Variants in CEP95 observed in about 807,000 individuals in gnomAD.
CEP95 encodes centrosomal protein of 95 kDa.
A neutral mutation model predicts 111.2 loss-of-function variants in CEP95; 98 were observed. The ratio of observed to expected loss-of-function variants is 0.88; its 90% CI spans 0.75 to 1.04. CEP95 has a LOEUF of 1.04. CEP95 is among the 50% of genes least tolerant of loss of function. The pLI, the probability that CEP95 is intolerant of heterozygous loss-of-function variation, is 0.00. For missense variants in CEP95, 1,027 were observed against 977.2 expected, an observed-to-expected ratio of 1.05 and a Z score of -0.68; for synonymous variants, 323 against 327.1, an observed-to-expected ratio of 0.99 and a Z score of 0.14.
At chr17:64,531,041 A>G (rs1555680202) in intron 13 of CEP95, 23 bp downstream of exon 13, 2 of 1,340,844 alleles carry the variant, frequency 1.5e-6, no homozygotes, top group Non-Finnish European at 2.1e-6. Context: ...CTCCACTGTA[A>G]TAAATGCCAT....
At chr17:64,529,051 C>CCACAT (rs1304162553) in intron 11 of CEP95, among the ~76,000 whole-genome samples, 1 of 152,170 alleles carries the variant, frequency 6.6e-6, no homozygotes, top group Non-Finnish European at 1.5e-5. Flanking sequence ...AGGAGGCATT[C>CCACAT]CACATGTTGA....
In CEP95 at chr17:64,516,712, GTTCTGAACAGGTGA is replaced by G; in HGVS notation, c.368-10_371del. On this transcript the variant is annotated splice_acceptor_variant and splice_polypyrimidine_tract_variant and coding_sequence_variant and intron_variant, in exon 5 of 20. Transcript: ENST00000556440. LOFTEE classifies it high-confidence loss of function. Reference sequence around the variant, plus strand: ...GGGTTTTTTGGTATTGTTTTTATCTGTTCTGAACAGGTGAAACTGAACAGTATTTTAAAGAATCT... The same window carrying G: ...GGGTTTTTTGGTATTGTTTTTATCTGAACTGAACAGTATTTTAAAGAATCT... The G allele has an allele frequency of 6.4e-7, 1 of 1,563,388 alleles. No individual in the cohort carries two copies. Among genetic ancestry groups the G allele is most frequent in the Non-Finnish European group, 8.8e-7 (1 of 1,136,138 alleles).
At chr17:64,514,177 C>T (rs2039027440) in intron 3 of CEP95, 71 bp from the exon 4 acceptor site, 1 of 628,166 alleles carries the variant, frequency 1.6e-6, no homozygotes, top group African/African-American at 1.8e-5. Context: ...ATGTTATATC[C>T]AAGTTTCAAG....
intron 6 of CEP95, 72 bp from the exon 7 acceptor site, chr17:64,521,330 T>C (rs1240037894): frequency 9.0e-7 from 1 of 1,114,862 alleles, no homozygotes; most frequent in African/African-American, 1.6e-5. Flanking sequence ...ACAAAACTCT[T>C]GGCTTTTAGT....
chr17:64,527,870 G>GTGTGTA (rs1319661913), intron 11 of CEP95, among the ~76,000 whole-genome samples: 2 of 112,654 alleles, frequency 1.8e-5, no homozygotes, highest in East Asian at 2.8e-4. Flanking sequence ...GTGTGTGTGT[G>GTGTGTA]TATATATATA....
rs116241794 is a variant in CEP95 at position 64,507,570 on chromosome 17, C to G, written c.19+454C>G. The G allele has an allele frequency of 2.6e-3, 2,719 of 1,029,112 alleles. 57 individuals carry two copies. In the African/African-American group the frequency reaches 0.044, roughly 16 times the overall value. 63.7% of individuals were successfully genotyped at this position (1,029,112 alleles called of 1,614,324 possible). A position where few individuals can be genotyped will look rare whatever the true frequency, so the allele number is the denominator to read the frequency against. Reference sequence around the variant, plus strand: ...AATATGCCCCTGTAGAATAGTTGTGCTTTTTTCTCTTCAGTGCCCTCTAGA... The same window carrying G: ...AATATGCCCCTGTAGAATAGTTGTGGTTTTTTCTCTTCAGTGCCCTCTAGA... On this transcript the variant is annotated intron_variant, in intron 1 of 19. Coordinates refer to ENST00000556440, the MANE Select transcript of CEP95 (RefSeq NM_138363.3).
In CEP95 at chr17:64,534,595, A is replaced by G. The variant is rs185494775; in HGVS notation, c.1928A>G (p.Lys643Arg). ...CTTTCCCTTTCTTAGCAAGACTTCA[A>G]GGACTGCATTCGTAGGCAAAGGTTG... ...YEHNKRLQDF[K>R]DCIRRQRLTQ... Residue 643 changes from lysine to arginine, a missense_variant, in exon 17 of 20, where the codon AAG becomes AGG. Physicochemically the swap from Lys to Arg is conservative, Grantham distance 26 (BLOSUM62 2). Coordinates refer to ENST00000556440, the MANE Select transcript of CEP95 (RefSeq NM_138363.3). 6.2e-7 allele frequency: 1 copy of G among 1,612,796 alleles called. No homozygotes were observed. The highest frequency in any genetic ancestry group is 2.2e-5 in the East Asian group (1 of 44,786).
chr17:64,510,298 T>C lies in CEP95; in HGVS notation c.256+18T>C, dbSNP rs782406256. On this transcript the variant is annotated intron_variant, in intron 3 of 19. Transcript: ENST00000556440. ...CATAACAGGTTGGTATATGTATAAC[T>C]ATCACATAATTATGCATTTTAGTAA... is the stretch of plus-strand genomic sequence containing the variant. The C allele has an allele frequency of 7.4e-7, 1 of 1,358,696 alleles. No individual in the cohort carries two copies. The highest frequency in any genetic ancestry group is 1.0e-6 in the Non-Finnish European group (1 of 954,970). The allele number at this position is 1,358,696 out of a possible 1,614,324, so 84.2% of individuals were successfully genotyped here.
At chr17:64,527,866 G>GTATA (rs1356812031) in intron 11 of CEP95, among the ~76,000 whole-genome samples, 267 of 124,158 alleles carry the variant, frequency 2.2e-3, no homozygotes, top group African/African-American at 8.1e-3. Flanking sequence ...GTGTGTGTGT[G>GTATA]TGTGTATATA....
rs1430983743 is a variant in CEP95 at position 64,532,913 on chromosome 17, C to T, written c.1747C>T (p.Leu583=). 2 of 1,613,864 alleles carry T rather than the reference C, an allele frequency of 1.2e-6. No homozygotes were observed. The highest frequency in any genetic ancestry group is 2.2e-5 in the East Asian group (1 of 44,848). ...FPFLYVSGPT[L]SKMWKQQIAQ... is the part of the protein sequence containing the mutation. ...GTTTCTTTATGTTTCTGGCCCAACA[C>T]TAAGCAAAATGTGGAAACAGCAAAT... is the stretch of plus-strand genomic sequence containing the variant. Residue 583 remains leucine, a synonymous_variant, in exon 15 of 20, where the codon CTA becomes TTA. Coordinates refer to ENST00000556440, the MANE Select transcript of CEP95 (RefSeq NM_138363.3).
intron 16 of CEP95, 136 bp from the exon 17 acceptor site, chr17:64,534,449 C>CT: frequency 1.4e-6 from 1 of 719,978 alleles, no homozygotes; most frequent in Non-Finnish European, 2.3e-6. Flanking sequence ...GGCTGAAGGG[C>CT]TTCTGGGGCC....
chr17:64,520,849 A>G (rs1452187946), intron 6 of CEP95, among the ~76,000 whole-genome samples: 1 of 152,218 alleles, frequency 6.6e-6, no homozygotes, highest in African/African-American at 2.4e-5. Context: ...CTATTTTTCT[A>G]AAGCTAAATA....
intron 3 of CEP95, among the ~76,000 whole-genome samples, chr17:64,511,088 A>G (rs1442063934): frequency 1.3e-5 from 2 of 152,190 alleles, no homozygotes; most frequent in African/African-American, 4.8e-5. Context: ...GGTCACAGAC[A>G]TCAAGTACTT....
intron 12 of CEP95, among the ~76,000 whole-genome samples, chr17:64,530,521 T>C (rs1183480875): frequency 6.6e-6 from 1 of 150,928 alleles, no homozygotes; most frequent in Non-Finnish European, 1.5e-5. Flanking sequence ...TTTTTTTTTT[T>C]TCTCAAGGTG....
At chr17:64,533,305 T>TGGAA (rs1968419853) in intron 16 of CEP95, 114 bp downstream of exon 16, 1 of 849,264 alleles carries the variant, frequency 1.2e-6, no homozygotes, top group African/African-American at 1.7e-5. Context: ...CACCTGCATG[T>TGGAA]GGAAGTGTTG....
chr17:64,522,633 A>G (rs1967442530), intron 7 of CEP95, 69 bp from the exon 8 acceptor site: 2 of 959,488 alleles, frequency 2.1e-6, no homozygotes, highest in African/African-American at 1.6e-5. Flanking sequence ...ATAGGTATGT[A>G]TGTATGTATA....
At chr17:64,506,774 C>A (rs1325480759), upstream of CEP95, 1 of 524,446 alleles carries the variant, frequency 1.9e-6, no homozygotes, top group East Asian at 3.4e-5. Flanking sequence ...GCTGCTCGCA[C>A]CCCGGGACCC....
At chr17:64,530,707 C>T (rs1215838520) in intron 12 of CEP95, among the ~76,000 whole-genome samples, 2 of 152,064 alleles carry the variant, frequency 1.3e-5, no homozygotes, top group Non-Finnish European at 2.9e-5. Flanking sequence ...GGGGTTTCTC[C>T]ATGTTGGTCA....
At chr17:64,534,276 A>G (rs1414117067) in intron 16 of CEP95, 6 of 284,372 alleles carry the variant, frequency 2.1e-5, no homozygotes, top group African/African-American at 1.3e-4. Context: ...CCATTTTCCT[A>G]CTCCTTGTGA....
Sources: allele counts gnomAD v4.1 joint callset (sites outside exome capture counted in the v4.1 genomes callset), GRCh38; gene constraint gnomAD v4.1.1; transcripts MANE v1.5; gene names NCBI Gene and HGNC (gene_info 2026-07-23, HGNC 2026-07-21).